OGFRL1: variants seen among roughly 807,000 people sequenced by gnomAD.
The protein encoded by OGFRL1 is opioid growth factor receptor like 1.
A neutral mutation model predicts 32.4 loss-of-function variants in OGFRL1; 26 were observed. The ratio of observed to expected loss-of-function variants is 0.80; its 90% confidence interval spans 0.59 to 1.11. OGFRL1 has a LOEUF of 1.11. OGFRL1 is among the 50% of genes most tolerant of loss of function. OGFRL1 has a pLI of 0.00. For missense variants in OGFRL1, 521 were observed against 546.4 expected (o/e 0.95, Z 0.46); for synonymous variants, 211 against 201.2 (o/e 1.05, Z -0.41).
chr6:71,295,037 G>A (rs569168334), intron 3 of OGFRL1: 2 of 152,082 alleles, frequency 1.3e-5, no homozygotes, highest in East Asian at 1.9e-4. Flanking sequence ...CTTATGATTG[G>A]TGGGGGTCAG....
At position 71,308,259 on chromosome 6, in the gene OGFRL1, T is replaced by C. The variant is rs925242407; in HGVS notation, c.*6210T>C. On this transcript the variant is annotated 3_prime_UTR_variant, in exon 7 of 7. Coordinates refer to ENST00000370435, the MANE Select transcript of OGFRL1 (RefSeq NM_024576.5). ...GAAGTAACTTCCACACTGTCAAGAG[T>C]TGACAGCATATTAATTGTGTGGCAT... The C allele has an allele frequency of 1.3e-5, 2 of 152,174 alleles. No individual in the cohort carries two copies. The highest frequency in any genetic ancestry group is 6.6e-5 in the Admixed American group (1 of 15,260). The allele number at this position is 152,174 out of a possible 1,614,324, so 9.4% of individuals were successfully genotyped here. A position where few individuals can be genotyped will look rare whatever the true frequency, so the allele number is the denominator to read the frequency against.
rs1361063182 is a variant in OGFRL1 at position 71,304,796 on chromosome 6, A to G, written c.*2747A>G. On this transcript the variant is annotated 3_prime_UTR_variant, in exon 7 of 7. Coordinates refer to ENST00000370435, the MANE Select transcript of OGFRL1 (RefSeq NM_024576.5). ...CCCACTATGGTGTTTTTAAATGCAT[A>G]TTCATATATAATAGTATGTTTCTTA... 1 of 152,056 alleles carries G rather than the reference A, an allele frequency of 6.6e-6. No homozygotes were observed. The highest frequency in any genetic ancestry group is 2.4e-5 in the African/African-American group (1 of 41,448). The allele number at this position is 152,056 out of a possible 1,614,324, so 9.4% of individuals were successfully genotyped here.
chr6:71,304,328 A>G lies in OGFRL1; in HGVS notation c.*2279A>G, dbSNP rs1019919573. 2.6e-5 allele frequency: 4 copies of G among 152,172 alleles called. No homozygotes were observed. The highest frequency in any genetic ancestry group is 9.6e-5 in the African/African-American group (4 of 41,462). 9.4% of individuals were successfully genotyped at this position (152,172 alleles called of 1,614,324 possible). A position where few individuals can be genotyped will look rare whatever the true frequency, so the allele number is the denominator to read the frequency against. On this transcript the variant is annotated 3_prime_UTR_variant, in exon 7 of 7. Coordinates refer to ENST00000370435, the MANE Select transcript of OGFRL1 (RefSeq NM_024576.5). ...TTTCAATTTCTGTTTTACATGCAAG[A>G]AAAACATGGACACTCTTACGTGGTG...
intron 1 of OGFRL1, chr6:71,289,397 G>A: frequency 2.0e-6 from 2 of 984,908 alleles, no homozygotes; most frequent in Non-Finnish European, 2.4e-6. Context: ...GCCTGGCCGA[G>A]GGCACGGCGA....
intron 6 of OGFRL1, among the ~76,000 whole-genome samples, chr6:71,300,524 T>G (rs1339759416): frequency 1.3e-5 from 2 of 151,846 alleles, no homozygotes; most frequent in Non-Finnish European, 2.9e-5. Context: ...GACCAGAGAT[T>G]GAAGAAAATT....
At chr6:71,293,767 G>A (rs1766121251) in intron 3 of OGFRL1, among the ~76,000 whole-genome samples, 156 bp downstream of exon 3, 1 of 152,124 alleles carries the variant, frequency 6.6e-6, no homozygotes, top group African/African-American at 2.4e-5. Flanking sequence ...TGGATTAATG[G>A]TATCTTTCTT....
Position 71,297,934 on chromosome 6 carries a change from C to T in OGFRL1, c.692+1117C>T, listed in dbSNP as rs554046733. Among the ~76,000 whole-genome samples, 8 of 149,124 alleles carry T rather than the reference C, an allele frequency of 5.4e-5. No homozygotes were observed. The South Asian group carries it at 1.3e-3, about 24-fold the overall frequency. Reference sequence around the variant, plus strand: ...CGTCATTTAGCATTAGGTATATCTCCTAATGCTATCCCTCCCCCCTCCCCC... The same window carrying T: ...CGTCATTTAGCATTAGGTATATCTCTTAATGCTATCCCTCCCCCCTCCCCC... On this transcript the variant is annotated intron_variant, in intron 6 of 6. Transcript: ENST00000370435.
rs1315335030 is a variant in OGFRL1 at position 71,305,272 on chromosome 6, T to C, written c.*3223T>C. ...ACATTTCTAATATTTTGTGCTTTCA[T>C]ATATCAAAGGAGATTATGTGAAACT... On this transcript the variant is annotated 3_prime_UTR_variant, in exon 7 of 7. Coordinates refer to ENST00000370435, the MANE Select transcript of OGFRL1 (RefSeq NM_024576.5). 2 of 152,090 alleles carry C rather than the reference T, an allele frequency of 1.3e-5. No individual in the cohort carries two copies. The highest frequency in any genetic ancestry group is 4.8e-5 in the African/African-American group (2 of 41,466). The allele number at this position is 152,090 out of a possible 1,614,324, so 9.4% of individuals were successfully genotyped here.
rs1766480351 is a variant in OGFRL1, at chr6:71,304,294, G to T, written c.*2245G>T. On this transcript the variant is annotated 3_prime_UTR_variant, in exon 7 of 7. Transcript: ENST00000370435. ...TGTGAGTATTAGGATTTGGCAATCT[G>T]CTTTTGCATTTCAATTTCTGTTTTA... The T allele has an allele frequency of 1.3e-5, 2 of 152,068 alleles. No individual in the cohort carries two copies. The highest frequency in any genetic ancestry group is 2.9e-5 in the Non-Finnish European group (2 of 67,976). The allele number at this position is 152,068 out of a possible 1,614,324, so 9.4% of individuals were successfully genotyped here. A position where few individuals can be genotyped will look rare whatever the true frequency, so the allele number is the denominator to read the frequency against.
intron 1 of OGFRL1, among the ~76,000 whole-genome samples, chr6:71,292,869 T>C (rs1766090713): frequency 6.6e-6 from 1 of 152,182 alleles, no homozygotes; most frequent in African/African-American, 2.4e-5. Flanking sequence ...CAATTTTCTT[T>C]GTAGAATTGA....
intron 1 of OGFRL1, among the ~76,000 whole-genome samples, chr6:71,292,871 T>C (rs951525346): frequency 2.6e-5 from 4 of 152,200 alleles, no homozygotes; most frequent in African/African-American, 9.6e-5. Context: ...ATTTTCTTTG[T>C]AGAATTGATT....
At chr6:71,296,625 G>T in intron 5 of OGFRL1, 47 bp from the exon 6 acceptor site, 1 of 1,608,216 alleles carries the variant, frequency 6.2e-7, no homozygotes, top group Non-Finnish European at 8.5e-7. Context: ...CACTGTCCTT[G>T]TAGCTACTGA....
chr6:71,300,747 C>T (rs748094345), intron 6 of OGFRL1, among the ~76,000 whole-genome samples: 51 of 152,146 alleles, frequency 3.4e-4, no homozygotes, highest in Non-Finnish European at 5.7e-4. Context: ...AACATAGTTT[C>T]ACTTAGCTGC....
At position 71,302,066 on chromosome 6, in the gene OGFRL1, G is replaced by T. The variant is rs1431743710; in HGVS notation, c.*17G>T. 2 of 1,494,992 alleles carry T rather than the reference G, an allele frequency of 1.3e-6. No homozygotes were observed. Among genetic ancestry groups the T allele is most frequent in the Non-Finnish European group, 1.8e-6 (2 of 1,133,212 alleles). The allele number at this position is 1,494,992 out of a possible 1,614,324, so 92.6% of individuals were successfully genotyped here. A position where few individuals can be genotyped will look rare whatever the true frequency, so the allele number is the denominator to read the frequency against. ...GTACAGTGAATTATCAGAAAACCCA[G>T]AAGCCAGTTTAGGCTAGAGAGGAAA... On this transcript the variant is annotated 3_prime_UTR_variant, in exon 7 of 7. Transcript: ENST00000370435.
rs1428705287 is a variant in OGFRL1, at chr6:71,302,450, T to G, written c.*401T>G. On this transcript the variant is annotated 3_prime_UTR_variant, in exon 7 of 7. Transcript: ENST00000370435. ...ATTGGATTGCTACACTTTTACCTGATTTATGGCTTTATTTTACTTTATTTT... is the reference window on the plus strand; with the variant it reads ...ATTGGATTGCTACACTTTTACCTGAGTTATGGCTTTATTTTACTTTATTTT... The G allele has an allele frequency of 2.0e-5, 3 of 153,438 alleles. No individual in the cohort carries two copies. Among genetic ancestry groups the G allele is most frequent in the African/African-American group, 7.2e-5 (3 of 41,458 alleles). The allele number at this position is 153,438 out of a possible 1,614,324, so 9.5% of individuals were successfully genotyped here.
In OGFRL1 at chr6:71,306,573, A is replaced by G. The variant is rs1196662014; in HGVS notation, c.*4524A>G. ...TCATTGGGAACTTTCTAAACCATGAATATCAGTTCTTTTAATGAAATTTAG... is the reference window on the plus strand; with the variant it reads ...TCATTGGGAACTTTCTAAACCATGAGTATCAGTTCTTTTAATGAAATTTAG... On this transcript the variant is annotated 3_prime_UTR_variant, in exon 7 of 7. Transcript: ENST00000370435. 1 of 152,212 alleles carries G rather than the reference A, an allele frequency of 6.6e-6. No individual in the cohort carries two copies. Among genetic ancestry groups the G allele is most frequent in the South Asian group, 2.1e-4 (1 of 4,838 alleles). 9.4% of individuals were successfully genotyped at this position (152,212 alleles called of 1,614,324 possible). A position where few individuals can be genotyped will look rare whatever the true frequency, so the allele number is the denominator to read the frequency against.
chr6:71,299,989 C>G (rs899733489), intron 6 of OGFRL1, among the ~76,000 whole-genome samples: 11 of 152,178 alleles, frequency 7.2e-5, no homozygotes, highest in African/African-American at 2.4e-4. Flanking sequence ...AAGAAACTTT[C>G]TCATTGAAAC....
At chr6:71,289,738 G>A in intron 1 of OGFRL1, 1 of 985,238 alleles carries the variant, frequency 1.0e-6, no homozygotes, top group Non-Finnish European at 1.2e-6. Flanking sequence ...CATTCTTCAC[G>A]AATCTTATTT....
rs78637983 is a variant in OGFRL1, at chr6:71,303,590, G to A, written c.*1541G>A. The A allele has an allele frequency of 4.9e-3, 750 of 152,258 alleles. 7 individuals are homozygous for A. The highest frequency in any genetic ancestry group is 0.017 in the African/African-American group (699 of 41,544). 9.4% of individuals were successfully genotyped at this position (152,258 alleles called of 1,614,324 possible). ...GGCATGCCTCTTGCACTGTGAACAA[G>A]ACAGTAGTCCCTTAAACCATGAATA... On this transcript the variant is annotated 3_prime_UTR_variant, in exon 7 of 7. Transcript: ENST00000370435.
Sources: gnomAD v4.1 joint callset for allele counts (sites outside exome capture counted in the v4.1 genomes callset) on GRCh38, gnomAD v4.1.1 for gene constraint, MANE v1.5 for transcripts, NCBI Gene and HGNC (gene_info 2026-07-23, HGNC 2026-07-21) for gene names.